TBC1D22B: variants seen among roughly 807,000 people sequenced by gnomAD.
TBC1D22B encodes the protein TBC1 domain family member 22B.
A neutral mutation model predicts 69.1 loss-of-function variants in TBC1D22B; 32 were observed. That is an observed-to-expected ratio of 0.46 (90% CI 0.35 to 0.62). The LOEUF (loss-of-function observed/expected upper bound fraction) is 0.62, where lower values mean the gene tolerates loss of function less well. Ranked by LOEUF, TBC1D22B falls within the 20% of genes least tolerant of loss-of-function variation. The pLI is 0.00. For synonymous variants in TBC1D22B, 206 were observed against 229.8 expected, an observed-to-expected ratio of 0.90 and a Z score of 0.94; for missense variants, 462 against 630.9, an observed-to-expected ratio of 0.73 and a Z score of 2.87.
chr6:37,305,816 G>A (rs114368144), intron 8 of TBC1D22B, among the ~76,000 whole-genome samples: 1,834 of 152,272 alleles, frequency 0.012, 31 homozygotes, highest in Middle Eastern at 0.044. Flanking sequence ...CACCGCGCCC[G>A]GTCAGTTTTG....
intron 8 of TBC1D22B, among the ~76,000 whole-genome samples, chr6:37,307,315 T>C (rs1344475683): frequency 6.6e-6 from 1 of 152,036 alleles, no homozygotes; most frequent in Non-Finnish European, 1.5e-5. Context: ...TTTTTCTCAG[T>C]CAGTTTACTT....
At chr6:37,322,788 G>T (rs1768287802) in intron 12 of TBC1D22B, among the ~76,000 whole-genome samples, 1 of 152,124 alleles carries the variant, frequency 6.6e-6, no homozygotes, top group African/African-American at 2.4e-5. Flanking sequence ...AGCCCCCTGT[G>T]GTCAGTGCAG....
chr6:37,310,213 T>A (rs1045094074), intron 8 of TBC1D22B, among the ~76,000 whole-genome samples: 6 of 147,678 alleles, frequency 4.1e-5, no homozygotes, highest in African/African-American at 1.2e-4. Flanking sequence ...AAAACAAATA[T>A]GTATATATAC....
intron 2 of TBC1D22B, among the ~76,000 whole-genome samples, chr6:37,278,437 A>G (rs1766728958): frequency 6.6e-6 from 1 of 152,220 alleles, no homozygotes; most frequent in Admixed American, 6.5e-5. Context: ...GTGCTGCTCT[A>G]AGTGATAGCA....
At chr6:37,283,541 C>T (rs185014975) in intron 5 of TBC1D22B, among the ~76,000 whole-genome samples, 1 of 152,224 alleles carries the variant, frequency 6.6e-6, no homozygotes, top group East Asian at 1.9e-4. Context: ...TCCCCACTCT[C>T]CAGGCACTCA....
chr6:37,313,870 G>A lies in TBC1D22B; in HGVS notation c.1144G>A (p.Glu382Lys), dbSNP rs1768000616. 3 of 1,614,190 alleles carry A rather than the reference G, an allele frequency of 1.9e-6. No individual in the cohort carries two copies. The highest frequency in any genetic ancestry group is 2.5e-6 in the Non-Finnish European group (3 of 1,180,016). The change falls in exon 10 of 13, where the codon GAG (glutamate) becomes AAG (lysine). Residue 382 changes from glutamate to lysine, a missense_variant. Physicochemically the swap from Glu to Lys is moderately conservative, Grantham distance 56 (BLOSUM62 1). Coordinates refer to ENST00000373491, the MANE Select transcript of TBC1D22B (RefSeq NM_017772.4). ...CCAGAAGAAGGTGAAGGCACTGGAA[G>A]AGCTTGTCAGCCGGATTGATGGTAG... ...GIQKKVKALE[E>K]LVSRIDEQVH... is the part of the protein sequence containing the mutation.
chr6:37,324,868 C>T (rs181840436), intron 12 of TBC1D22B, among the ~76,000 whole-genome samples: 1 of 152,296 alleles, frequency 6.6e-6, no homozygotes, highest in African/African-American at 2.4e-5. Context: ...ACCTCTGTGC[C>T]TCAATTTCCT....
intron 8 of TBC1D22B, among the ~76,000 whole-genome samples, chr6:37,297,332 G>A (rs752539686): frequency 3.3e-5 from 5 of 152,188 alleles, no homozygotes; most frequent in Non-Finnish European, 4.4e-5. Flanking sequence ...TTAGGAGTTT[G>A]TAGCTGTAGC....
rs1562036348 is a variant in TBC1D22B, at chr6:37,261,958, TG to T, written c.56+3986del. 1.6e-4 allele frequency among the ~76,000 whole-genome samples: 7 copies of T among 43,738 alleles called. 1 individual carries two copies. Among genetic ancestry groups the T allele is most frequent in the Non-Finnish European group, 2.7e-4 (6 of 22,264 alleles). 28.7% of individuals were successfully genotyped at this position (43,738 alleles called of 152,430 possible). A position where few individuals can be genotyped will look rare whatever the true frequency, so the allele number is the denominator to read the frequency against. ...AAGCTTTGGTCAGTGTGTGTGTGTG[TG>T]TGTGTGTGTGTGTGTGTGTGTGTGT... On this transcript the variant is annotated intron_variant, in intron 1 of 12. Coordinates refer to ENST00000373491, the MANE Select transcript of TBC1D22B (RefSeq NM_017772.4).
intron 1 of TBC1D22B, among the ~76,000 whole-genome samples, chr6:37,262,033 T>C (rs1289849564): frequency 4.3e-4 from 2 of 4,634 alleles, no homozygotes; most frequent in Admixed American, 2.2e-3. Context: ...AAAATCACCT[T>C]TTTTTTTTTT....
chr6:37,304,315 G>T (rs769533887), intron 8 of TBC1D22B, among the ~76,000 whole-genome samples: 3 of 152,208 alleles, frequency 2.0e-5, no homozygotes, highest in Admixed American at 1.3e-4. Flanking sequence ...CAAGGAAAAT[G>T]AAGGCTTATA....
intron 1 of TBC1D22B, among the ~76,000 whole-genome samples, chr6:37,262,287 C>T (rs1317876787): frequency 6.6e-6 from 1 of 152,114 alleles, no homozygotes; most frequent in Non-Finnish European, 1.5e-5. Context: ...TGACCTCAAG[C>T]CCACCTCAGC....
At chr6:37,313,208 G>T (rs1175873011) in intron 9 of TBC1D22B, among the ~76,000 whole-genome samples, 184 bp downstream of exon 9, 3 of 151,968 alleles carry the variant, frequency 2.0e-5, no homozygotes, top group Non-Finnish European at 4.4e-5. Flanking sequence ...AGCAATGGTG[G>T]GTCGGGCACG....
At chr6:37,316,958 G>A (rs1272737661) in intron 11 of TBC1D22B, 128 bp downstream of exon 11, 6 of 1,538,346 alleles carry the variant, frequency 3.9e-6, no homozygotes, top group Non-Finnish European at 5.3e-6. Flanking sequence ...GTCTGCTTTA[G>A]CCTCAGGGCA....
intron 1 of TBC1D22B, among the ~76,000 whole-genome samples, chr6:37,259,015 ATTTTTT>A (rs11379140): frequency 7.3e-6 from 1 of 137,924 alleles, no homozygotes; most frequent in East Asian, 2.1e-4. Flanking sequence ...AAGAGCCTTA[ATTTTTT>A]TTTTTTTTTT....
At chr6:37,315,295 A>C (rs923647012) in intron 10 of TBC1D22B, among the ~76,000 whole-genome samples, 1 of 152,122 alleles carries the variant, frequency 6.6e-6, no homozygotes, top group Non-Finnish European at 1.5e-5. Context: ...CAGGCTGGGG[A>C]CGGTGACTCA....
chr6:37,309,754 A>C (rs1767845948), intron 8 of TBC1D22B, among the ~76,000 whole-genome samples: 1 of 152,052 alleles, frequency 6.6e-6, no homozygotes, highest in Non-Finnish European at 1.5e-5. Context: ...TGAGAGTTGG[A>C]GGCAACCTGG....
At chr6:37,330,997 A>G (rs750055481) in intron 12 of TBC1D22B, 47 bp from the exon 13 acceptor site, 59 of 1,608,348 alleles carry the variant, frequency 3.7e-5, no homozygotes, top group Admixed American at 1.8e-4. Context: ...CACTTGTCTG[A>G]TGGTCTACGG....
At chr6:37,319,817 G>A (rs1768186999) in intron 12 of TBC1D22B, among the ~76,000 whole-genome samples, 1 of 152,230 alleles carries the variant, frequency 6.6e-6, no homozygotes, top group South Asian at 2.1e-4. Flanking sequence ...TTAGGAGACA[G>A]AATCATGGCA....
Sources: gnomAD v4.1 joint callset for allele counts (sites outside exome capture counted in the v4.1 genomes callset) on GRCh38, gnomAD v4.1.1 for gene constraint, MANE v1.5 for transcripts, NCBI Gene and HGNC (gene_info 2026-07-23, HGNC 2026-07-21) for gene names.